Variants in STX7 observed in about 807,000 individuals in gnomAD.
STX7 encodes the protein syntaxin 7, also known as syntaxin-7.
In STX7, 34 loss-of-function variants were observed where a neutral mutation model predicts 39.6. The observed-to-expected ratio is 0.86, with a 90% CI of 0.65 to 1.14. The LOEUF (loss-of-function observed/expected upper bound fraction) is 1.14, where lower values mean the gene tolerates loss of function less well. Ranked by LOEUF, STX7 falls within the 50% of genes most tolerant of loss-of-function variation. The pLI, the probability that STX7 is intolerant of heterozygous loss-of-function variation, is 0.00. For missense variants in STX7, 284 were observed against 310.4 expected (o/e 0.92, Z 0.64); for synonymous variants, 119 against 99.1 (o/e 1.20, Z -1.19).
intron 2 of STX7, among the ~76,000 whole-genome samples, chr6:132,478,892 T>C (rs545064706): frequency 7.2e-5 from 11 of 152,312 alleles, no homozygotes; most frequent in Middle Eastern, 3.4e-3. Flanking sequence ...ATGCACACTG[T>C]CTATCTTTGT....
intron 2 of STX7, among the ~76,000 whole-genome samples, chr6:132,499,393 A>G (rs1400384635): frequency 6.6e-6 from 1 of 152,208 alleles, no homozygotes; most frequent in African/African-American, 2.4e-5. Flanking sequence ...CAATGACATA[A>G]GCAGAGATGA....
intron 1 of STX7, among the ~76,000 whole-genome samples, chr6:132,508,580 G>A (rs986857404): frequency 2.6e-5 from 4 of 152,134 alleles, no homozygotes; most frequent in Admixed American, 1.3e-4. Flanking sequence ...GTGTGATTAC[G>A]ACTCACTGCA....
At chr6:132,489,626 G>A (rs1310848396) in intron 2 of STX7, among the ~76,000 whole-genome samples, 1 of 152,190 alleles carries the variant, frequency 6.6e-6, no homozygotes, top group Non-Finnish European at 1.5e-5. Flanking sequence ...GGGAGATGGA[G>A]AAGGATCTTC....
At chr6:132,483,018 C>T (rs1291886264) in intron 2 of STX7, among the ~76,000 whole-genome samples, 1 of 152,006 alleles carries the variant, frequency 6.6e-6, no homozygotes, top group Non-Finnish European at 1.5e-5. Flanking sequence ...AAAGAATCTG[C>T]CCTTTACAGG....
chr6:132,483,189 T>C (rs375292644), intron 2 of STX7, among the ~76,000 whole-genome samples: 1 of 152,180 alleles, frequency 6.6e-6, no homozygotes, highest in South Asian at 2.1e-4. Context: ...CAACAAAATC[T>C]GCAGATGCTC....
chr6:132,494,710 G>T (rs1317165147), intron 2 of STX7, among the ~76,000 whole-genome samples: 1 of 152,196 alleles, frequency 6.6e-6, no homozygotes, highest in African/African-American at 2.4e-5. Context: ...GTTGACAAGT[G>T]GGGGCAGGGA....
intron 8 of STX7, among the ~76,000 whole-genome samples, chr6:132,467,935 A>G (rs1236852848): frequency 6.6e-6 from 1 of 152,212 alleles, no homozygotes; most frequent in Non-Finnish European, 1.5e-5. Context: ...TAATACTACT[A>G]AATTCATCTA....
rs376329866 is a variant in STX7, at chr6:132,494,870, G to T, written c.85+8576C>A. 1.8e-4 allele frequency among the ~76,000 whole-genome samples: 27 copies of T among 152,326 alleles called. No homozygotes were observed. In the South Asian group the frequency reaches 2.5e-3, roughly 14 times the overall value. On this transcript the variant is annotated intron_variant, in intron 2 of 9. Transcript: ENST00000367941. ...CCTTGGCAACTATTTGGAGAAGACG[G>T]AAAGAGGCAGGAATGGAAGTGAGGA... is the stretch of plus-strand genomic sequence containing the variant.
intron 9 of STX7, among the ~76,000 whole-genome samples, chr6:132,462,622 T>TGTGTGTGTG (rs1562320499): frequency 4.1e-5 from 6 of 145,360 alleles, no homozygotes; most frequent in African/African-American, 1.5e-4. Context: ...TGTGTGTGTG[T>TGTGTGTGTG]TTTCAATTAT....
intron 2 of STX7, among the ~76,000 whole-genome samples, chr6:132,494,249 A>G (rs533455107): frequency 5.6e-4 from 85 of 152,322 alleles, no homozygotes; most frequent in African/African-American, 1.9e-3. Flanking sequence ...AAAAGTAAGC[A>G]CCAAAAAACC....
intron 1 of STX7, among the ~76,000 whole-genome samples, chr6:132,505,754 A>C (rs577410377): frequency 0.018 from 2,682 of 149,780 alleles, 87 homozygotes; most frequent in African/African-American, 0.061. Context: ...AAAAAAAAAA[A>C]AAAAAAAAAA....
chr6:132,461,590 G>A (rs1242941002), intron 9 of STX7: 3 of 418,870 alleles, frequency 7.2e-6, no homozygotes, highest in Admixed American at 7.9e-5. Context: ...GATTACAGGC[G>A]TGAGCCACCA....
rs1774038139 is a variant in STX7, at chr6:132,447,483, G to GT, written c.*13274dup. The stretch of plus-strand genomic sequence containing the variant: ...TTATGTATTAATTGAATCAACTTTG[G>GT]TTACCATGTTGTTCTATTTACTTTT... On this transcript the variant is annotated 3_prime_UTR_variant, in exon 10 of 10. Coordinates refer to ENST00000367941, the MANE Select transcript of STX7 (RefSeq NM_003569.3). The GT allele has an allele frequency of 6.6e-6, 1 of 151,940 alleles. No homozygotes were observed. The highest frequency in any genetic ancestry group is 1.5e-5 in the Non-Finnish European group (1 of 67,998). 9.4% of individuals were successfully genotyped at this position (151,940 alleles called of 1,614,324 possible). A position where few individuals can be genotyped will look rare whatever the true frequency, so the allele number is the denominator to read the frequency against.
intron 2 of STX7, among the ~76,000 whole-genome samples, chr6:132,488,654 T>C (rs1020491033): frequency 3.9e-5 from 6 of 152,190 alleles, no homozygotes; most frequent in African/African-American, 2.4e-5. Flanking sequence ...TAATAATCTA[T>C]GATATAATTA....
At chr6:132,513,383 G>T (rs1369556430), upstream of STX7, among the ~76,000 whole-genome samples, 1 of 152,220 alleles carries the variant, frequency 6.6e-6, no homozygotes, top group Non-Finnish European at 1.5e-5. Flanking sequence ...TCTTCACCCC[G>T]CCCCATTAGC....
chr6:132,500,985 C>T (rs572378698), intron 2 of STX7, among the ~76,000 whole-genome samples: 30 of 152,180 alleles, frequency 2.0e-4, no homozygotes, highest in Non-Finnish European at 3.8e-4. Context: ...GGACATATGG[C>T]TTCTGTTTCA....
chr6:132,505,960 T>G (rs1775697018), intron 1 of STX7, among the ~76,000 whole-genome samples: 1 of 151,988 alleles, frequency 6.6e-6, no homozygotes, highest in Non-Finnish European at 1.5e-5. Flanking sequence ...CAATTGATCT[T>G]TTTGACAAAG....
At chr6:132,469,828 G>C in intron 7 of STX7, 123 bp downstream of exon 7, 1 of 682,726 alleles carries the variant, frequency 1.5e-6, no homozygotes, top group Non-Finnish European at 2.3e-6. Flanking sequence ...GACAGAGGGA[G>C]ACTGTCTCAA....
At position 132,505,887 on chromosome 6, in the gene STX7, A is replaced by G. The variant is rs11751292; in HGVS notation, c.-58-2299T>C. Among the ~76,000 whole-genome samples, 635 of 152,328 alleles carry G rather than the reference A, an allele frequency of 4.2e-3. 3 individuals carry two copies. The highest frequency in any genetic ancestry group is 5.5e-3 in the Non-Finnish European group (372 of 68,032). ...TAAAACAGCATGATATTCATATAAA[A>G]ACAGACACATAGAACAATGGAATGG... On this transcript the variant is annotated intron_variant, in intron 1 of 9. Coordinates refer to ENST00000367941, the MANE Select transcript of STX7 (RefSeq NM_003569.3).
Sources: allele counts gnomAD v4.1 joint callset (sites outside exome capture counted in the v4.1 genomes callset), GRCh38; gene constraint gnomAD v4.1.1; transcripts MANE v1.5; gene names NCBI Gene and HGNC (gene_info 2026-07-23, HGNC 2026-07-21).